Variants in DOP1B observed in about 807,000 individuals in gnomAD.
The protein encoded by DOP1B is DOP1 leucine zipper like protein B, also known as protein DOP1B.
A neutral mutation model predicts 233.5 loss-of-function variants in DOP1B; 174 were observed. That is an observed-to-expected ratio of 0.75 (90% confidence interval 0.66 to 0.85). The LOEUF (loss-of-function observed/expected upper bound fraction) is 0.85. DOP1B is among the 40% of genes least tolerant of loss of function. DOP1B has a pLI of 0.00. For synonymous variants in DOP1B, 1,190 were observed against 1,185.6 expected, an observed-to-expected ratio of 1.00 and a Z score of -0.08; for missense variants, 2,652 against 2,846.6, an observed-to-expected ratio of 0.93 and a Z score of 1.56.
Position 36,211,645 on chromosome 21 carries a change from C to T in DOP1B, c.774C>T (p.Thr258=), listed in dbSNP as rs756682005. ...EIVLFFFPFY[T]CLDSNERAIP... Reference sequence around the variant, plus strand: ...TTCTGTTTTTCTTCCCATTTTATACCTGTCTGGTAAGTAATTTGTACTCTT... The same window carrying T: ...TTCTGTTTTTCTTCCCATTTTATACTTGTCTGGTAAGTAATTTGTACTCTT... Residue 258 remains threonine, a synonymous_variant, in exon 6 of 37, where the codon ACC becomes ACT. Coordinates refer to ENST00000691173, the MANE Select transcript of DOP1B (RefSeq NM_001320714.2). 1.2e-6 allele frequency: 2 copies of T among 1,613,860 alleles called. No individual in the cohort carries two copies. The highest frequency in any genetic ancestry group is 1.7e-6 in the Non-Finnish European group (2 of 1,179,866).
At chr21:36,230,325 G>A in intron 13 of DOP1B, 125 bp from the exon 14 acceptor site, 1 of 1,183,188 alleles carries the variant, frequency 8.5e-7, no homozygotes, top group South Asian at 1.6e-5. Flanking sequence ...CTTAACACAG[G>A]GATTCTCTAG....
chr21:36,176,559 G>C (rs747328643), intron 2 of DOP1B, among the ~76,000 whole-genome samples: 1 of 152,150 alleles, frequency 6.6e-6, no homozygotes, highest in Non-Finnish European at 1.5e-5. Flanking sequence ...GGCTATGACC[G>C]TGAGGGTGGA....
rs186068200 is a variant in DOP1B at position 36,244,646 on chromosome 21, G to A, written c.3068-402G>A. ...TCACCATTTTGGCGAGGCTGATCTCGAACTCCTGACCTCCGGTGATCTACC... is the reference window on the plus strand; with the variant it reads ...TCACCATTTTGGCGAGGCTGATCTCAAACTCCTGACCTCCGGTGATCTACC... On this transcript the variant is annotated intron_variant, in intron 18 of 36. Transcript: ENST00000691173. Among the ~76,000 whole-genome samples the A allele has an allele frequency of 2.2e-3, 340 of 151,550 alleles. 3 individuals carry two copies. Among genetic ancestry groups the A allele is most frequent in the Non-Finnish European group, 7.4e-4 (50 of 67,850 alleles).
In DOP1B at chr21:36,278,220, C is replaced by T; in HGVS notation, c.5834C>T (p.Ala1945Val). 6.2e-7 allele frequency: 1 copy of T among 1,614,028 alleles called. No individual in the cohort carries two copies. Among genetic ancestry groups the T allele is most frequent in the Non-Finnish European group, 8.5e-7 (1 of 1,179,962 alleles). ...PYLRNHSAYN[A>V]PSFRAGAQLL... ...CCACTCCCACTCAGTGCCTACAATG[C>T]TCCCAGCTTCCGGGCTGGCGCTCAG... Residue 1945 changes from alanine to valine, a missense_variant, in exon 30 of 37, where the codon GCT becomes GTT. By Grantham distance (64) the Ala-to-Val change is moderately conservative. Coordinates refer to ENST00000691173, the MANE Select transcript of DOP1B (RefSeq NM_001320714.2).
At chr21:36,237,499 C>A in intron 16 of DOP1B, 85 bp downstream of exon 16, 1 of 1,541,732 alleles carries the variant, frequency 6.5e-7, no homozygotes, top group South Asian at 1.1e-5. Flanking sequence ...TCCATTCGGT[C>A]GAAGTCTTTC....
intron 4 of DOP1B, among the ~76,000 whole-genome samples, chr21:36,208,228 T>C (rs1436592207): frequency 6.6e-6 from 1 of 152,226 alleles, no homozygotes; most frequent in African/African-American, 2.4e-5. Context: ...CAGATGTCAC[T>C]TGGCACATTT....
In DOP1B at chr21:36,172,269, T is replaced by C. The variant is rs568633798; in HGVS notation, c.138+7398T>C. Among the ~76,000 whole-genome samples the C allele has an allele frequency of 2.9e-4, 44 of 151,928 alleles. 1 individual carries two copies. The South Asian group carries it at 8.1e-3, about 28-fold the overall frequency. ...CCTCTGCCTCACCCATTCCAAGAAT[T>C]CCCCGGGCCGTCAGCAAGCACAAGA... On this transcript the variant is annotated intron_variant, in intron 2 of 36. Coordinates refer to ENST00000691173, the MANE Select transcript of DOP1B (RefSeq NM_001320714.2).
chr21:36,166,372 G>A (rs2065911569), intron 2 of DOP1B, among the ~76,000 whole-genome samples: 3 of 151,978 alleles, frequency 2.0e-5, no homozygotes, highest in South Asian at 4.2e-4. Context: ...GGGAGGCGGA[G>A]CTTGCAGTGA....
At chr21:36,247,132 G>T (rs77596004) in intron 19 of DOP1B, among the ~76,000 whole-genome samples, 1 of 152,058 alleles carries the variant, frequency 6.6e-6, no homozygotes, top group Non-Finnish European at 1.5e-5. Flanking sequence ...CCCCTGCCTC[G>T]GCCTCCCAAA....
intron 12 of DOP1B, among the ~76,000 whole-genome samples, chr21:36,227,335 C>A (rs1403560333): frequency 6.6e-6 from 1 of 151,952 alleles, no homozygotes; most frequent in Non-Finnish European, 1.5e-5. Flanking sequence ...ATCACAAAGT[C>A]AGGAGATCGA....
chr21:36,226,889 C>T (rs539318374), intron 12 of DOP1B, among the ~76,000 whole-genome samples: 18 of 152,290 alleles, frequency 1.2e-4, no homozygotes, highest in East Asian at 1.2e-3. Context: ...TGAGCCACTA[C>T]GCCTAGTCTT....
chr21:36,201,342 A>ATTTTTTTTTTTTTTTTTTTT (rs1187890925), intron 4 of DOP1B, among the ~76,000 whole-genome samples: 2 of 46,980 alleles, frequency 4.3e-5, no homozygotes, highest in Non-Finnish European at 3.9e-5. Context: ...TATCTATTGG[A>ATTTTTTTTTTTTTTTTTTTT]TTCTTTTTTT....
At chr21:36,180,822 A>C (rs1024609533) in intron 2 of DOP1B, among the ~76,000 whole-genome samples, 2 of 152,120 alleles carry the variant, frequency 1.3e-5, no homozygotes, top group African/African-American at 2.4e-5. Context: ...CGGAGGTTGC[A>C]ATGAGCCGAG....
At chr21:36,213,968 T>C in intron 7 of DOP1B, 113 bp from the exon 8 acceptor site, 1 of 929,878 alleles carries the variant, frequency 1.1e-6, no homozygotes, top group Non-Finnish European at 1.6e-6. Flanking sequence ...TGATTTTGGT[T>C]TTCCATCAGA....
intron 1 of DOP1B, chr21:36,164,504 C>G: frequency 3.1e-6 from 1 of 322,250 alleles, no homozygotes; most frequent in Non-Finnish European, 5.6e-6. Context: ...TGTTCTCCCC[C>G]AGAATCCACG....
chr21:36,218,429 G>A (rs1264369397), intron 9 of DOP1B, among the ~76,000 whole-genome samples: 1 of 152,020 alleles, frequency 6.6e-6, no homozygotes, highest in Non-Finnish European at 1.5e-5. Context: ...TGGCTAAGGC[G>A]AGAGAATTGC....
intron 27 of DOP1B, 57 bp from the exon 28 acceptor site, chr21:36,276,964 A>T: frequency 6.4e-7 from 1 of 1,572,052 alleles, no homozygotes; most frequent in Non-Finnish European, 8.7e-7. Flanking sequence ...TTTTGGGGAC[A>T]GTAAATGGTG....
At chr21:36,191,775 ACT>A (rs1455612259) in intron 2 of DOP1B, among the ~76,000 whole-genome samples, 1 of 141,760 alleles carries the variant, frequency 7.1e-6, no homozygotes, top group Admixed American at 7.1e-5. Context: ...ACAGAGTAAG[ACT>A]CTGTCTCAAA....
intron 2 of DOP1B, among the ~76,000 whole-genome samples, chr21:36,170,978 C>T (rs1041786032): frequency 6.6e-6 from 1 of 152,164 alleles, no homozygotes; most frequent in African/African-American, 2.4e-5. Flanking sequence ...GCTGTCAGTC[C>T]CTACCTCTGC....
Sources: allele counts gnomAD v4.1 joint callset (sites outside exome capture counted in the v4.1 genomes callset), GRCh38; gene constraint gnomAD v4.1.1; transcripts MANE v1.5; gene names NCBI Gene and HGNC (gene_info 2026-07-23, HGNC 2026-07-21).